ZBED6: variants seen among roughly 807,000 people sequenced by gnomAD.
ZBED6 encodes the protein zinc finger BED-type containing 6.
ZBED6 carries 40 observed loss-of-function variants against 58.4 expected under a neutral mutation model. The observed-to-expected ratio is 0.68, with a 90% CI of 0.53 to 0.89. The LOEUF is 0.89. Among genes scored for constraint, ZBED6 ranks in the 40% least tolerant of loss-of-function variants. The pLI is 0.00. For synonymous variants in ZBED6, 439 were observed against 350.6 expected (o/e 1.25, Z -2.82); for missense variants, 1,057 against 1,003.9 (o/e 1.05, Z -0.71).
rs1179457330 is a variant in ZBED6, at chr1:203,798,502, C to CTGTT, written c.981_984dup (p.Ala329CysfsTer7). 6.5e-6 allele frequency: 10 copies of CTGTT among 1,535,976 alleles called. No homozygotes were observed. The highest frequency in any genetic ancestry group is 8.7e-6 in the Non-Finnish European group (10 of 1,146,908). The stretch of plus-strand genomic sequence containing the variant: ...GCTGTTGCCAACAAAGACAGTGGTG[C>CTGTT]TGTTGCAAATGGATTAGATGAAGCT... On this transcript the variant is annotated frameshift_variant, in exon 1 of 17. Coordinates refer to ENST00000550078, the Ensembl canonical transcript of ZBED6. LOFTEE classifies it high-confidence loss of function.
At chr1:203,852,858 A>C (rs1362321213) in exon 17 of ZBED6, 1 of 177,848 alleles carries the variant, frequency 5.6e-6, no homozygotes, top group Non-Finnish European at 1.2e-5. Context: ...CCACTAAACA[A>C]AAATACCCAC....
intron 9 of ZBED6, among the ~76,000 whole-genome samples, chr1:203,837,112 T>G (rs1448978241): frequency 6.6e-6 from 1 of 151,924 alleles, no homozygotes. Context: ...CTGGGCAACA[T>G]GGCAAACCCT....
chr1:203,838,975 A>G (rs984730414), intron 10 of ZBED6, among the ~76,000 whole-genome samples: 1 of 139,928 alleles, frequency 7.1e-6, no homozygotes, highest in South Asian at 2.3e-4. Flanking sequence ...AAAAAAAAAA[A>G]GAAAGAAAGA....
chr1:203,849,455 A>G (rs930375657), intron 13 of ZBED6, among the ~76,000 whole-genome samples: 4 of 152,200 alleles, frequency 2.6e-5, no homozygotes, highest in African/African-American at 9.7e-5. Flanking sequence ...TTGATTATTT[A>G]GGAATCATTA....
chr1:203,806,830 CTTTTTT>C (rs373591619), intron 1 of ZBED6, among the ~76,000 whole-genome samples: 2 of 117,860 alleles, frequency 1.7e-5, no homozygotes, highest in African/African-American at 3.2e-5. Flanking sequence ...CCTCAGGTTC[CTTTTTT>C]TTTTTTTTTT....
intron 2 of ZBED6, 28 bp downstream of exon 2, chr1:203,817,152 C>G (rs759917881): frequency 6.4e-7 from 1 of 1,559,830 alleles, no homozygotes; most frequent in South Asian, 1.2e-5. Flanking sequence ...TAAATCAGTT[C>G]TTTCTACAAT....
exon 1 of ZBED6, chr1:203,802,891 G>A (rs1372901575): frequency 6.6e-6 from 1 of 152,476 alleles, no homozygotes; most frequent in Non-Finnish European, 1.5e-5. Flanking sequence ...TTGGCAATGT[G>A]AGGAGGAAAT....
chr1:203,819,428 G>A (rs900564535), intron 3 of ZBED6, among the ~76,000 whole-genome samples: 1 of 151,096 alleles, frequency 6.6e-6, no homozygotes, highest in Non-Finnish European at 1.5e-5. Flanking sequence ...TACCACGCAG[G>A]CCAGGCTGGG....
chr1:203,807,984 C>G (rs770594908), intron 1 of ZBED6, among the ~76,000 whole-genome samples: 6 of 152,022 alleles, frequency 3.9e-5, no homozygotes, highest in Non-Finnish European at 5.9e-5. Flanking sequence ...TCAAGCAGTC[C>G]TCCTGTCTCG....
chr1:203,809,888 A>G (rs997249776), intron 1 of ZBED6, among the ~76,000 whole-genome samples: 1 of 152,140 alleles, frequency 6.6e-6, no homozygotes, highest in African/African-American at 2.4e-5. Flanking sequence ...CAGGAGGTGG[A>G]GGTTGCAGTA....
chr1:203,847,541 A>C, exon 12 of ZBED6: 1 of 1,614,008 alleles, frequency 6.2e-7, no homozygotes, highest in Non-Finnish European at 8.5e-7. Context: ...AAGTCTATGC[A>C]GGAGGTGCAC....
chr1:203,810,352 T>G (rs570069689), intron 1 of ZBED6, among the ~76,000 whole-genome samples: 70 of 152,140 alleles, frequency 4.6e-4, no homozygotes, highest in Non-Finnish European at 6.0e-4. Flanking sequence ...ATAAAGATGA[T>G]ATATAAAGAA....
At chr1:203,845,024 A>T (rs1687505670) in intron 11 of ZBED6, among the ~76,000 whole-genome samples, 1 of 152,056 alleles carries the variant, frequency 6.6e-6, no homozygotes, top group African/African-American at 2.4e-5. Context: ...CCTAATGGTT[A>T]TGTCAGATCC....
chr1:203,823,924 AG>A (rs1553264744), intron 3 of ZBED6, among the ~76,000 whole-genome samples: 1 of 152,168 alleles, frequency 6.6e-6, no homozygotes, highest in Non-Finnish European at 1.5e-5. Context: ...GGAAATAATC[AG>A]GATATATTGT....
rs888141106 is a variant in ZBED6 at position 203,852,125 on chromosome 1, C to CT, written c.*4874-8dup. The CT allele has an allele frequency of 4.3e-6, 7 of 1,612,572 alleles. No individual in the cohort carries two copies. The Middle Eastern group carries it at 5.0e-4, about 114-fold the overall frequency. On this transcript the variant is annotated splice_polypyrimidine_tract_variant and intron_variant, in intron 16 of 16. Transcript: ENST00000550078. Reference sequence around the variant, plus strand: ...TTTAAAACGGCAGTTTTCTAATAATCTTTTTTTTCTTACAGTCTTGTGCTG... The same window carrying CT: ...TTTAAAACGGCAGTTTTCTAATAATCTTTTTTTTTCTTACAGTCTTGTGCTG...
At chr1:203,812,197 T>C (rs2102667577) in intron 1 of ZBED6, among the ~76,000 whole-genome samples, 1 of 152,300 alleles carries the variant, frequency 6.6e-6, no homozygotes, top group Admixed American at 6.5e-5. Context: ...CGTGGGGGTT[T>C]GTTGTACAGA....
At chr1:203,805,801 A>G in intron 1 of ZBED6, 1 of 772,824 alleles carries the variant, frequency 1.3e-6, no homozygotes, top group Non-Finnish European at 2.3e-6. Flanking sequence ...GTCTTCATCT[A>G]ATTCTGGGCC....
chr1:203,829,808 C>T, exon 6 of ZBED6: 1 of 1,613,948 alleles, frequency 6.2e-7, no homozygotes, highest in South Asian at 1.1e-5. Flanking sequence ...GTGATGAAAC[C>T]AAAACACCTA....
At chr1:203,812,102 T>A (rs371059859) in intron 1 of ZBED6, among the ~76,000 whole-genome samples, 1 of 152,020 alleles carries the variant, frequency 6.6e-6, no homozygotes, top group Admixed American at 6.6e-5. Context: ...CATGTATGAG[T>A]CACCACACTG....
Sources: gnomAD v4.1 joint callset for allele counts (sites outside exome capture counted in the v4.1 genomes callset) on GRCh38, gnomAD v4.1.1 for gene constraint, MANE v1.5 for transcripts, NCBI Gene and HGNC (gene_info 2026-07-23, HGNC 2026-07-21) for gene names.